Variants in DNER observed in about 807,000 individuals in gnomAD.
DNER encodes delta/notch like EGF repeat containing.
A neutral mutation model predicts 78.2 loss-of-function variants in DNER; 33 were observed. The observed-to-expected ratio is 0.42, with a 90% CI of 0.32 to 0.56. The LOEUF is 0.56. Among genes scored for constraint, DNER ranks in the 20% least tolerant of loss-of-function variants. The pLI is 0.11. For synonymous variants in DNER, 417 were observed against 384.8 expected (o/e 1.08, Z -0.98); for missense variants, 918 against 975.3 (o/e 0.94, Z 0.78).
chr2:229,702,047 G>GA (rs1360371023), intron 1 of DNER: 1 of 184,182 alleles, frequency 5.4e-6, no homozygotes. Context: ...ATGTCTTCAG[G>GA]AAAAATTTGA....
intron 11 of DNER, among the ~76,000 whole-genome samples, chr2:229,383,427 G>A (rs915872656): frequency 2.6e-5 from 4 of 152,162 alleles, no homozygotes; most frequent in Non-Finnish European, 5.9e-5. Context: ...AACCTTAAAT[G>A]TAAATGGGCT....
At chr2:229,517,943 T>C (rs1458704881) in intron 5 of DNER, among the ~76,000 whole-genome samples, 1 of 152,174 alleles carries the variant, frequency 6.6e-6, no homozygotes, top group Non-Finnish European at 1.5e-5. Flanking sequence ...GAAAAGATAG[T>C]TCTTGCGCCA....
chr2:229,604,631 ATG>A (rs1167573364), intron 1 of DNER, among the ~76,000 whole-genome samples: 1 of 152,118 alleles, frequency 6.6e-6, no homozygotes, highest in African/African-American at 2.4e-5. Flanking sequence ...GACTGCTTTG[ATG>A]TGTGTTTTTC....
At chr2:229,616,148 G>T (rs967678958) in intron 1 of DNER, among the ~76,000 whole-genome samples, 1 of 152,162 alleles carries the variant, frequency 6.6e-6, no homozygotes, top group Admixed American at 6.5e-5. Flanking sequence ...CTAGTTGGTT[G>T]CTCATAGGTG....
Position 229,591,234 on chromosome 2 carries a change from A to T in DNER, c.585+346T>A, listed in dbSNP as rs1376490544. ...TTGTTATAGCAGCCTTAACAGACTA[A>T]GACACACTCCCAGAAAGGAAAATAA... is the stretch of plus-strand genomic sequence containing the variant. On this transcript the variant is annotated intron_variant, in intron 2 of 12. Coordinates refer to ENST00000341772, the MANE Select transcript of DNER (RefSeq NM_139072.4). The surrounding 1 kb of genome is among the most constrained non-coding windows in gnomAD (Gnocchi z 4.6). 1.3e-5 allele frequency among the ~76,000 whole-genome samples: 2 copies of T among 152,198 alleles called. No homozygotes were observed. Among genetic ancestry groups the T allele is most frequent in the Non-Finnish European group, 2.9e-5 (2 of 68,034 alleles).
intron 9 of DNER, among the ~76,000 whole-genome samples, chr2:229,416,180 G>T (rs933223159): frequency 2.0e-5 from 3 of 152,140 alleles, no homozygotes; most frequent in African/African-American, 7.2e-5. Context: ...TTCACTCGTG[G>T]TTTCCACTTC....
At chr2:229,503,477 C>T (rs1422375832) in intron 6 of DNER, among the ~76,000 whole-genome samples, 1 of 152,190 alleles carries the variant, frequency 6.6e-6, no homozygotes, top group Non-Finnish European at 1.5e-5. Context: ...AAATAGGATG[C>T]ACTATCATCT....
At position 229,535,115 on chromosome 2, in the gene DNER, C is replaced by A. The variant is rs1008352525; in HGVS notation, c.993+11832G>T. On this transcript the variant is annotated intron_variant, in intron 5 of 12. Coordinates refer to ENST00000341772, the MANE Select transcript of DNER (RefSeq NM_139072.4). The stretch of plus-strand genomic sequence containing the variant: ...CCTCCCAAAGTGCTGAGATTACAGG[C>A]ATGAGCCACCACGCCTGGCTGTATT... Among the ~76,000 whole-genome samples, 5 of 152,326 alleles carry A rather than the reference C, an allele frequency of 3.3e-5. No individual in the cohort carries two copies. The East Asian group carries it at 9.6e-4, about 29-fold the overall frequency.
At chr2:229,509,365 T>C (rs555451216) in intron 6 of DNER, among the ~76,000 whole-genome samples, 40 of 152,354 alleles carry the variant, frequency 2.6e-4, no homozygotes, top group African/African-American at 9.1e-4. Flanking sequence ...AATAGAGGAA[T>C]AGCTTAAAAC....
At chr2:229,397,463 C>CAAAAAGAAAAAAAAA (rs1693171294) in intron 10 of DNER, among the ~76,000 whole-genome samples, 1 of 96,598 alleles carries the variant, frequency 1.0e-5, no homozygotes, top group Non-Finnish European at 2.1e-5. Context: ...CCAAACACTA[C>CAAAAAGAAAAAAAAA]AAAAAAAAAA....
chr2:229,391,576 C>T (rs1574821885), intron 10 of DNER, among the ~76,000 whole-genome samples: 1 of 152,236 alleles, frequency 6.6e-6, no homozygotes, highest in East Asian at 1.9e-4. Flanking sequence ...AAATCTCACT[C>T]TATCACCCAG....
chr2:229,532,683 T>C (rs1459438914), intron 5 of DNER, among the ~76,000 whole-genome samples: 1 of 152,254 alleles, frequency 6.6e-6, no homozygotes. Context: ...AAGCAACTGC[T>C]CAATTTCCTT....
intron 5 of DNER, among the ~76,000 whole-genome samples, chr2:229,543,015 C>T (rs1696546278): frequency 1.3e-5 from 2 of 152,058 alleles, no homozygotes; most frequent in African/African-American, 4.8e-5. Context: ...AATACAGAAT[C>T]AATGACAGCC....
At chr2:229,692,420 C>T (rs1294458985) in intron 1 of DNER, among the ~76,000 whole-genome samples, 1 of 152,224 alleles carries the variant, frequency 6.6e-6, no homozygotes, top group Non-Finnish European at 1.5e-5. Context: ...AGATATTACA[C>T]TCATCTTAAA....
chr2:229,546,798 T>TAGACAGACAGACAGAC, intron 5 of DNER, 149 bp downstream of exon 5: 1 of 1,185,790 alleles, frequency 8.4e-7, no homozygotes, highest in African/African-American at 1.6e-5. Context: ...GATAGATAGA[T>TAGACAGACAGACAGAC]AGATAGACAG....
chr2:229,530,420 C>T (rs1302639703), intron 5 of DNER, among the ~76,000 whole-genome samples: 2 of 152,254 alleles, frequency 1.3e-5, no homozygotes, highest in Non-Finnish European at 2.9e-5. Flanking sequence ...CTGTGCCCTT[C>T]TCTCTCCATT....
Position 229,400,721 on chromosome 2 carries a change from AAACAAATC to A in DNER, c.1723+6503_1723+6510del, listed in dbSNP as rs372804090. The stretch of plus-strand genomic sequence containing the variant: ...AATAAATACACAAATGGAGGAGAAT[AAACAAATC>A]TTTCATCCAGAAGAATTCCAAATAA... On this transcript the variant is annotated intron_variant, in intron 10 of 12. Transcript: ENST00000341772. Among the ~76,000 whole-genome samples, 31 of 152,222 alleles carry A rather than the reference AAACAAATC, an allele frequency of 2.0e-4. 1 individual carries two copies. The highest frequency in any genetic ancestry group is 6.5e-4 in the African/African-American group (27 of 41,572).
intron 1 of DNER, among the ~76,000 whole-genome samples, chr2:229,630,665 G>A (rs1036302521): frequency 6.6e-6 from 1 of 151,898 alleles, no homozygotes; most frequent in African/African-American, 2.4e-5. Context: ...TTTAGATTCA[G>A]AGGGTACATG....
Position 229,645,157 on chromosome 2 carries a change from C to A in DNER, c.277-53269G>T, listed in dbSNP as rs569151398. ...GACTATAGGCACACACCACCACACC[C>A]GGTTAAATTTTTTTTATTTGTATTT... On this transcript the variant is annotated intron_variant, in intron 1 of 12. Transcript: ENST00000341772. Among the ~76,000 whole-genome samples, 3 of 152,086 alleles carry A rather than the reference C, an allele frequency of 2.0e-5. No homozygotes were observed. The South Asian group carries it at 6.2e-4, about 32-fold the overall frequency.
Sources: gnomAD v4.1 joint callset for allele counts (sites outside exome capture counted in the v4.1 genomes callset) on GRCh38, gnomAD v4.1.1 for gene constraint, Gnocchi (gnomAD v3.1) non-coding constraint, MANE v1.5 for transcripts, NCBI Gene and HGNC (gene_info 2026-07-23, HGNC 2026-07-21) for gene names.